Variants in LYST observed in about 807,000 individuals in gnomAD.
LYST encodes lysosomal-trafficking regulator.
LYST carries 192 observed loss-of-function variants against 413.6 expected under a neutral mutation model. The ratio of observed to expected loss-of-function variants is 0.46; its 90% CI spans 0.41 to 0.52. LYST has a LOEUF of 0.52. Ranked by LOEUF, LYST falls within the 20% of genes least tolerant of loss-of-function variation. The pLI, the probability that LYST is intolerant of heterozygous loss-of-function variation, is 0.00. For synonymous variants in LYST, 1,525 were observed against 1,567.3 expected, an observed-to-expected ratio of 0.97 and a Z score of 0.64; for missense variants, 3,815 against 4,499.9, an observed-to-expected ratio of 0.85 and a Z score of 4.35.
At position 235,716,775 on chromosome 1, in the gene LYST, A is replaced by C. The variant is rs763095264; in HGVS notation, c.9564T>G (p.Asn3188Lys). 4 of 1,569,090 alleles carry C rather than the reference A, an allele frequency of 2.5e-6. No homozygotes were observed. The highest frequency in any genetic ancestry group is 3.5e-6 in the Non-Finnish European group (4 of 1,139,638). ...LDLNDLLIYRNLSKPIAVQYK... is the reference protein window; with the variant it reads ...LDLNDLLIYRKLSKPIAVQYK... ...ACTGAACAGCTATAGGTTTAGAGAG[A>C]TTTCTGCAAGAAAAGGACAATTTTA... Residue 3188 changes from asparagine (N) to lysine (K), a missense_variant, in exon 41 of 53, where the codon AAT becomes AAG. Transcript: ENST00000389793.
In LYST at chr1:235,771,915, TTG is replaced by T. The variant is rs1491493638; in HGVS notation, c.5785-1620_5785-1619del. Among the ~76,000 whole-genome samples, 112 of 134,422 alleles carry T rather than the reference TTG, an allele frequency of 8.3e-4. 10 individuals carry two copies. Among genetic ancestry groups the T allele is most frequent in the South Asian group, 7.0e-3 (26 of 3,702 alleles). The allele number at this position is 134,422 out of a possible 152,430, so 88.2% of individuals were successfully genotyped here. A position where few individuals can be genotyped will look rare whatever the true frequency, so the allele number is the denominator to read the frequency against. On this transcript the variant is annotated intron_variant, in intron 19 of 52. Transcript: ENST00000389793. ...AATAGATTAGAAAAGGTTTTTTAGT[TTG>T]TTTTTTTTTTTTTTTTTTTTTTTGG...
rs115006985 is a variant in LYST, at chr1:235,881,257, C to T, written n.454+1930G>A. Reference sequence around the variant, plus strand: ...ACACTGTCACGTTTCAACAGGTTTGCAAGTTCTTCTGTGTGGAAAACATAC... The same window carrying T: ...ACACTGTCACGTTTCAACAGGTTTGTAAGTTCTTCTGTGTGGAAAACATAC... On this transcript the variant is annotated intron_variant and non_coding_transcript_variant, in intron 1 of 11. Transcript: ENST00000465349. 6.3e-3 allele frequency among the ~76,000 whole-genome samples: 966 copies of T among 152,296 alleles called. 10 individuals carry two copies. Among genetic ancestry groups the T allele is most frequent in the African/African-American group, 0.022 (915 of 41,566 alleles).
intron 47 of LYST, among the ~76,000 whole-genome samples, chr1:235,690,083 TTA>T (rs759611338): frequency 3.9e-5 from 6 of 152,306 alleles, no homozygotes; most frequent in African/African-American, 1.4e-4. Flanking sequence ...GATTGAAAGC[TTA>T]TGTTATATCT....
At chr1:235,820,869 T>G (rs1674680190) in intron 3 of LYST, among the ~76,000 whole-genome samples, 2 of 152,220 alleles carry the variant, frequency 1.3e-5, no homozygotes, top group African/African-American at 2.4e-5. Flanking sequence ...AAATAGGATC[T>G]TTCTCTTTCC....
At chr1:235,711,112 A>G (rs1014161686) in intron 43 of LYST, among the ~76,000 whole-genome samples, 89 of 152,214 alleles carry the variant, frequency 5.8e-4, no homozygotes, top group African/African-American at 2.1e-3. Context: ...TCTGTGATTG[A>G]TAATAAATTT....
At chr1:235,860,298 C>T (rs1160701103) in intron 1 of LYST, among the ~76,000 whole-genome samples, 2 of 152,132 alleles carry the variant, frequency 1.3e-5, no homozygotes, top group African/African-American at 2.4e-5. Flanking sequence ...CTATGGACAG[C>T]CCCCCTAAAC....
rs1404946176 is a variant in LYST, at chr1:235,731,837, C to T, written c.8802-660G>A. On this transcript the variant is annotated intron_variant, in intron 34 of 52. Transcript: ENST00000389793. ...CCTCCCAAAGTGTTGGGATTACAGGCGTGAGCGCCCTCACCTGGCCTCATT... is the reference window on the plus strand; with the variant it reads ...CCTCCCAAAGTGTTGGGATTACAGGTGTGAGCGCCCTCACCTGGCCTCATT... Among the ~76,000 whole-genome samples the T allele has an allele frequency of 2.6e-5, 4 of 152,224 alleles. No individual in the cohort carries two copies. In the East Asian group the frequency reaches 7.7e-4, roughly 29 times the overall value.
intron 45 of LYST, among the ~76,000 whole-genome samples, chr1:235,699,841 T>C (rs962227889): frequency 5.3e-5 from 8 of 152,080 alleles, no homozygotes; most frequent in African/African-American, 1.9e-4. Context: ...GATCCTGAGC[T>C]TTTTTCCAAC....
chr1:235,769,787 A>G (rs773982372), intron 20 of LYST, among the ~76,000 whole-genome samples: 5 of 152,170 alleles, frequency 3.3e-5, no homozygotes, highest in Non-Finnish European at 5.9e-5. Flanking sequence ...TAGCAAGTTT[A>G]TATTTATTAA....
At position 235,760,511 on chromosome 1, in the gene LYST, TAGTGCATGGGATACA is replaced by T. The variant is rs543132044; in HGVS notation, c.6254-927_6254-913del. 1.0e-3 allele frequency among the ~76,000 whole-genome samples: 158 copies of T among 152,322 alleles called. 1 individual carries two copies. In the East Asian group the frequency reaches 0.028, roughly 27 times the overall value. ...GACACCAGAAAAATTATTTTCATTG[TAGTGCATGGGATACA>T]AGTGCATGCCATTCAAGGTGTGGTC... On this transcript the variant is annotated intron_variant, in intron 22 of 52. Coordinates refer to ENST00000389793, the MANE Select transcript of LYST (RefSeq NM_000081.4).
chr1:235,772,578 T>A (rs1434979174), intron 19 of LYST, among the ~76,000 whole-genome samples: 1 of 152,158 alleles, frequency 6.6e-6, no homozygotes, highest in East Asian at 1.9e-4. Flanking sequence ...TGGGTCCTTG[T>A]GAAGACAAGC....
intron 47 of LYST, among the ~76,000 whole-genome samples, chr1:235,692,600 TC>T (rs1660749141): frequency 6.6e-6 from 1 of 151,758 alleles, no homozygotes; most frequent in African/African-American, 2.4e-5. Flanking sequence ...GCCAGGCTGG[TC>T]TTGAACTCCT....
chr1:235,809,784 A>G lies in LYST; in HGVS notation c.1034T>C (p.Met345Thr). ...LSVDVSTAEM[M>T]PENLRKNLTE... is the part of the protein sequence containing the mutation. ...TAAATTTTTCCTAAGATTTTCTGGC[A>G]TCATCTCTGCAGTACTAACATCTAC... Residue 345 changes from methionine (M) to threonine (T), a missense_variant, in exon 5 of 53, where the codon ATG (methionine) becomes ACG (threonine). Physicochemically the swap from Met to Thr is moderately conservative, Grantham distance 81 (BLOSUM62 -1). Transcript: ENST00000389793. The surrounding 1 kb of genome is among the most constrained non-coding windows in gnomAD (Gnocchi z 4.0). 1 of 1,614,064 alleles carries G rather than the reference A, an allele frequency of 6.2e-7. No individual in the cohort carries two copies. The highest frequency in any genetic ancestry group is 8.5e-7 in the Non-Finnish European group (1 of 1,179,986).
chr1:235,876,362 TA>T (rs200848640), intron 1 of LYST, among the ~76,000 whole-genome samples: 27 of 152,080 alleles, frequency 1.8e-4, no homozygotes, highest in Non-Finnish European at 3.8e-4. Flanking sequence ...TTATTTTCTT[TA>T]AAAAAAATGG....
chr1:235,773,335 A>G (rs1414218698), intron 19 of LYST, among the ~76,000 whole-genome samples: 1 of 152,068 alleles, frequency 6.6e-6, no homozygotes, highest in Non-Finnish European at 1.5e-5. Flanking sequence ...AAACAAAAAC[A>G]AAAGCAAACA....
Position 235,864,711 on chromosome 1 carries a change from C to T in LYST, c.-98+2132G>A, listed in dbSNP as rs367575741. On this transcript the variant is annotated intron_variant, in intron 1 of 52. Coordinates refer to ENST00000389793, the MANE Select transcript of LYST (RefSeq NM_000081.4). ...TGTTGACACGCCAAGGTGGATGGATCGCTTGAGCCCAGGAGTTTGAGACCA... is the reference window on the plus strand; with the variant it reads ...TGTTGACACGCCAAGGTGGATGGATTGCTTGAGCCCAGGAGTTTGAGACCA... Among the ~76,000 whole-genome samples, 141 of 152,306 alleles carry T rather than the reference C, an allele frequency of 9.3e-4. 1 individual carries two copies. The South Asian group carries it at 0.028, about 30-fold the overall frequency.
rs750804718 is a variant in LYST at position 235,664,438 on chromosome 1, A to G, written c.11195+27T>C. The G allele has an allele frequency of 6.2e-7, 1 of 1,610,386 alleles. No homozygotes were observed. Among genetic ancestry groups the G allele is most frequent in the South Asian group, 1.1e-5 (1 of 91,004 alleles). ...TCCTGTGTCCTTATGAATGAAATCAAAAAAAGAGAATCCAAATTCCTCTTA... is the reference window on the plus strand; with the variant it reads ...TCCTGTGTCCTTATGAATGAAATCAGAAAAAGAGAATCCAAATTCCTCTTA... On this transcript the variant is annotated intron_variant, in intron 51 of 52. Coordinates refer to ENST00000389793, the MANE Select transcript of LYST (RefSeq NM_000081.4). This position sits in a 1 kb window ranked among gnomAD's most constrained non-coding sequence, Gnocchi z 4.5.
intron 3 of LYST, among the ~76,000 whole-genome samples, chr1:235,813,804 A>C (rs1031718025): frequency 1.3e-5 from 2 of 152,214 alleles, no homozygotes; most frequent in African/African-American, 4.8e-5. Flanking sequence ...CTAGAGAGCT[A>C]GACCTGGGAC....
Position 235,809,383 on chromosome 1 carries a change from T to A in LYST, c.1435A>T (p.Ile479Leu). The change falls in exon 5 of 53, where the codon ATA becomes TTA. Residue 479 changes from isoleucine to leucine, a missense_variant. Ile to Leu is a conservative substitution (Grantham distance 5). Coordinates refer to ENST00000389793, the MANE Select transcript of LYST (RefSeq NM_000081.4). The surrounding 1 kb of genome is among the most constrained non-coding windows in gnomAD (Gnocchi z 4.0). ...TTCACTTTTTTGACAGTGCTCATTA[T>A]TTTCATCACACTATTTATTAGGGCT... ...LKALINSVMKIMSTVKKVKSE... is the reference protein window; with the variant it reads ...LKALINSVMKLMSTVKKVKSE... 1 of 1,613,984 alleles carries A rather than the reference T, an allele frequency of 6.2e-7. No homozygotes were observed. Among genetic ancestry groups the A allele is most frequent in the Non-Finnish European group, 8.5e-7 (1 of 1,179,982 alleles).
Sources: allele counts gnomAD v4.1 joint callset (sites outside exome capture counted in the v4.1 genomes callset), GRCh38; gene constraint gnomAD v4.1.1; non-coding constraint Gnocchi (gnomAD v3.1); transcripts MANE v1.5; gene names NCBI Gene and HGNC (gene_info 2026-07-23, HGNC 2026-07-21).